COL6A3: variants seen among roughly 807,000 people sequenced by gnomAD.
COL6A3 encodes collagen alpha-3(VI) chain.
A neutral mutation model predicts 274.1 loss-of-function variants in COL6A3; 137 were observed. That is an observed-to-expected ratio of 0.50 (90% CI 0.44 to 0.58). COL6A3 has a LOEUF of 0.58. Ranked by LOEUF, COL6A3 falls within the 20% of genes least tolerant of loss-of-function variation. The pLI is 0.00. For synonymous variants in COL6A3, 1,650 were observed against 1,650.6 expected, an observed-to-expected ratio of 1.00 and a Z score of 0.01; for missense variants, 3,950 against 4,124.9, an observed-to-expected ratio of 0.96 and a Z score of 1.16.
intron 36 of COL6A3, chr2:237,342,422 G>T (rs2077006720): frequency 2.0e-6 from 1 of 505,308 alleles, no homozygotes; most frequent in Non-Finnish European, 3.6e-6. Flanking sequence ...AAAATGGGGG[G>T]TAATACCTTC....
rs1030869693 is a variant in COL6A3, at chr2:237,407,007, T to A, written c.-31+6946A>T. 6.7e-6 allele frequency among the ~76,000 whole-genome samples: 1 copy of A among 148,512 alleles called. No individual in the cohort carries two copies. The highest frequency in any genetic ancestry group is 2.5e-5 in the African/African-American group (1 of 40,018). On this transcript the variant is annotated intron_variant, in intron 1 of 43. Coordinates refer to ENST00000295550, the MANE Select transcript of COL6A3 (RefSeq NM_004369.4). The surrounding 1 kb of genome is among the most constrained non-coding windows in gnomAD (Gnocchi z 4.3). ...TTACTGCAGCTTCAACTTCCTGAGA[T>A]CAAGCAATCCTCCCACCTCAGCCTC...
In COL6A3 at chr2:237,336,412, A is replaced by G. The variant is rs774152129; in HGVS notation, c.8688T>C (p.Pro2896=). 5 of 1,613,536 alleles carry G rather than the reference A, an allele frequency of 3.1e-6. No homozygotes were observed. The highest frequency in any genetic ancestry group is 4.2e-6 in the Non-Finnish European group (5 of 1,180,036). Residue 2896 remains proline, a synonymous_variant, in exon 40 of 44, where the codon CCT becomes CCC. Transcript: ENST00000295550. ...CAGATGGCTGATTTATAATAGTCAC[A>G]GGCTTTGTTGTGGTGGTTACAGGCT... The part of the protein sequence containing the change: ...TTKPVTTTTK[P]VTIINQPSVK...
chr2:237,381,045 C>T lies in COL6A3; in HGVS notation c.1767G>A (p.Gln589=). Reference sequence around the variant, plus strand: ...CGAAAGCGATCTCTTCCAGCTCAGCCTGATCGGCACCCTTGTTCCCAATGG... The same window carrying T: ...CGAAAGCGATCTCTTCCAGCTCAGCTTGATCGGCACCCTTGTTCCCAATGG... ...AFAIGNKGAD[Q]AELEEIAFDS... Residue 589 remains glutamine (Q), a synonymous_variant, in exon 5 of 44, where the codon CAG becomes CAA. Transcript: ENST00000295550. 1.9e-6 allele frequency: 3 copies of T among 1,614,222 alleles called. No homozygotes were observed. The highest frequency in any genetic ancestry group is 2.5e-6 in the Non-Finnish European group (3 of 1,180,040).
chr2:237,384,393 A>G (rs114539211), intron 4 of COL6A3, among the ~76,000 whole-genome samples: 288 of 152,088 alleles, frequency 1.9e-3, no homozygotes, highest in African/African-American at 6.4e-3. Context: ...CCTCACCAAC[A>G]TGGCACAACC....
chr2:237,374,657 C>A lies in COL6A3; in HGVS notation c.3434G>T (p.Gly1145Val), dbSNP rs2077784697. 1 of 1,613,986 alleles carries A rather than the reference C, an allele frequency of 6.2e-7. No homozygotes were observed. The highest frequency in any genetic ancestry group is 1.3e-5 in the African/African-American group (1 of 74,946). Residue 1145 changes from glycine to valine, a missense_variant, in exon 8 of 44, where the codon GGG becomes GTG. Physicochemically the swap from Gly to Val is moderately radical, Grantham distance 109 (BLOSUM62 -3). Transcript: ENST00000295550. This position sits in a 1 kb window ranked among gnomAD's most constrained non-coding sequence, Gnocchi z 4.8. ...CACGGAGGGGTTCCGCACATCATCC[C>A]CAGACCTGTCGGCCGTGAGGACGAT... is the stretch of plus-strand genomic sequence containing the variant. ...LLIVLTADRS[G>V]DDVRNPSVVV...
chr2:237,376,941 C>G lies in COL6A3; in HGVS notation c.2901G>C (p.Gly967=). The change falls in exon 7 of 44, where the codon GGG becomes GGC. Residue 967 remains glycine (G), a synonymous_variant. Transcript: ENST00000295550. The part of the protein sequence containing the change: ...DGPASNLKQS[G]VVPFIFQAKN... ...TGGCTTGGAAGATGAAAGGCACAAC[C>G]CCACTCTGCTTCAGGTTACTTGCTG... 6.2e-7 allele frequency: 1 copy of G among 1,614,202 alleles called. No individual in the cohort carries two copies. Among genetic ancestry groups the G allele is most frequent in the Non-Finnish European group, 8.5e-7 (1 of 1,180,032 alleles).
intron 5 of COL6A3, 31 bp downstream of exon 5, chr2:237,380,884 C>T (rs751064943): frequency 1.2e-6 from 2 of 1,601,384 alleles, no homozygotes; most frequent in South Asian, 1.1e-5. Context: ...GAGACCACCC[C>T]ATTGTGTGTC....
chr2:237,403,438 A>G (rs1198883995), intron 1 of COL6A3, among the ~76,000 whole-genome samples: 1 of 152,170 alleles, frequency 6.6e-6, no homozygotes, highest in Non-Finnish European at 1.5e-5. Flanking sequence ...TGAAGCCATG[A>G]TCTCAGCAGC....
chr2:237,391,482 A>G (rs2078285700), intron 3 of COL6A3, among the ~76,000 whole-genome samples: 1 of 151,628 alleles, frequency 6.6e-6, no homozygotes, highest in Admixed American at 6.6e-5. Flanking sequence ...AAGATGTTCC[A>G]TTTCTCTACT....
At chr2:237,384,389 C>T (rs1261443888) in intron 4 of COL6A3, among the ~76,000 whole-genome samples, 1 of 152,094 alleles carries the variant, frequency 6.6e-6, no homozygotes, top group Non-Finnish European at 1.5e-5. Flanking sequence ...TACTCCTCAC[C>T]AACATGGCAC....
chr2:237,340,104 G>A (rs922899074), intron 38 of COL6A3, among the ~76,000 whole-genome samples: 8 of 152,108 alleles, frequency 5.3e-5, no homozygotes, highest in Admixed American at 1.3e-4. Flanking sequence ...CTTCTCTCGC[G>A]ACATGCCAGC....
At position 237,376,750 on chromosome 2, in the gene COL6A3, A is replaced by T. The variant is rs763879987; in HGVS notation, c.3070+22T>A. ...GCATTAGAGAACTGAGTGGCAGAGC[A>T]ACTAGCATTTCTCTACCATACCTGG... On this transcript the variant is annotated intron_variant, in intron 7 of 43. Transcript: ENST00000295550. 2.5e-6 allele frequency: 4 copies of T among 1,611,044 alleles called. No homozygotes were observed. The South Asian group carries it at 4.4e-5, about 18-fold the overall frequency.
At chr2:237,396,079 T>G (rs563759017) in intron 2 of COL6A3, among the ~76,000 whole-genome samples, 29 of 152,290 alleles carry the variant, frequency 1.9e-4, no homozygotes, top group African/African-American at 6.7e-4. Context: ...CAACCTGGCC[T>G]GGAGGAAGAA....
chr2:237,396,590 T>G (rs1159227887), intron 2 of COL6A3, 137 bp downstream of exon 2: 28 of 848,622 alleles, frequency 3.3e-5, no homozygotes, highest in Non-Finnish European at 5.4e-5. Flanking sequence ...AGAACTATCC[T>G]ATCTGACTAT....
rs1405582211 is a variant in COL6A3 at position 237,381,266 on chromosome 2, T to C, written c.1546A>G (p.Lys516Glu). The change falls in exon 5 of 44, where the codon AAG becomes GAG. Residue 516 changes from lysine to glutamate, a missense_variant. Physicochemically the swap from Lys to Glu is moderately conservative, Grantham distance 56 (BLOSUM62 1). Transcript: ENST00000295550. ...TACAGGGCCGAGCCGTCCAGGGGCT[T>C]CATTTTCCGCACAGCGGTTATGACT... ...REVITAVRKM[K>E]PLDGSALYTG... 2 of 1,614,116 alleles carry C rather than the reference T, an allele frequency of 1.2e-6. No individual in the cohort carries two copies. Among genetic ancestry groups the C allele is most frequent in the East Asian group, 2.2e-5 (1 of 44,894 alleles).
chr2:237,352,063 A>C (rs2077218398), intron 26 of COL6A3, among the ~76,000 whole-genome samples: 1 of 152,244 alleles, frequency 6.6e-6, no homozygotes, highest in South Asian at 2.1e-4. Flanking sequence ...GCTGCTTTGC[A>C]AGATAACATC....
intron 3 of COL6A3, among the ~76,000 whole-genome samples, chr2:237,389,034 A>G (rs1316482613): frequency 1.3e-5 from 2 of 152,178 alleles, no homozygotes; most frequent in Admixed American, 6.5e-5. Context: ...TTTTTATGAC[A>G]TCCTAAACTA....
intron 1 of COL6A3, among the ~76,000 whole-genome samples, chr2:237,412,691 C>T (rs954931762): frequency 6.6e-5 from 10 of 152,196 alleles, no homozygotes; most frequent in Admixed American, 4.6e-4. Context: ...AAAGCCATTT[C>T]GGTTGTTTTT....
At chr2:237,347,722 G>T in intron 31 of COL6A3, 85 bp downstream of exon 31, 2 of 1,364,596 alleles carry the variant, frequency 1.5e-6, no homozygotes, top group Non-Finnish European at 2.1e-6. Context: ...GCAAGTGAAG[G>T]ATAATTGTCA....
Sources: allele counts gnomAD v4.1 joint callset (sites outside exome capture counted in the v4.1 genomes callset), GRCh38; gene constraint gnomAD v4.1.1; non-coding constraint Gnocchi (gnomAD v3.1); transcripts MANE v1.5; gene names NCBI Gene and HGNC (gene_info 2026-07-23, HGNC 2026-07-21).